The following DLEU7 variants were observed in gnomAD, a reference collection of about 807,000 sequenced individuals.
DLEU7 encodes the protein deleted in lymphocytic leukemia 7.
DLEU7 carries 17 observed loss-of-function variants against 16.0 expected under a neutral mutation model. The observed-to-expected ratio is 1.06, with a 90% CI of 0.73 to 1.59. The LOEUF is 1.59. DLEU7 is among the 40% of genes most tolerant of loss of function. DLEU7 has a pLI of 0.00. For missense variants in DLEU7, 308 were observed against 314.9 expected, an observed-to-expected ratio of 0.98 and a Z score of 0.17; for synonymous variants, 113 against 139.8, an observed-to-expected ratio of 0.81 and a Z score of 1.35.
chr13:50,808,447 A>C (rs563418898), intron 1 of DLEU7: 50 of 152,298 alleles, frequency 3.3e-4, no homozygotes, highest in African/African-American at 1.1e-3. Context: ...AGAAGTACCA[A>C]GTGTTTCTAG....
exon 2 of DLEU7, chr13:50,711,942 G>A (rs1873306868): frequency 6.7e-6 from 1 of 150,334 alleles, no homozygotes; most frequent in Non-Finnish European, 1.5e-5. Flanking sequence ...GAAATCCATT[G>A]TAAACTTAGG....
intron 1 of DLEU7, among the ~76,000 whole-genome samples, chr13:50,776,230 C>T (rs1875490562): frequency 6.6e-6 from 1 of 152,132 alleles, no homozygotes; most frequent in African/African-American, 2.4e-5. Flanking sequence ...GTTTTTGACT[C>T]AGTTTTGGAT....
chr13:50,724,701 C>T (rs546806721), intron 1 of DLEU7, among the ~76,000 whole-genome samples: 2 of 152,226 alleles, frequency 1.3e-5, no homozygotes, highest in African/African-American at 4.8e-5. Flanking sequence ...AAATGCCCTC[C>T]AAATCCTATA....
chr13:50,783,359 C>T (rs1875707166), intron 1 of DLEU7, among the ~76,000 whole-genome samples: 1 of 152,186 alleles, frequency 6.6e-6, no homozygotes, highest in Non-Finnish European at 1.5e-5. Context: ...ATTCAAAGTA[C>T]CCCAATAGCT....
intron 1 of DLEU7, among the ~76,000 whole-genome samples, chr13:50,795,652 ATATG>A (rs2137777333): frequency 6.6e-6 from 1 of 152,326 alleles, no homozygotes; most frequent in East Asian, 1.9e-4. Context: ...ATTCAATAAT[ATATG>A]TATGTTACAC....
intron 1 of DLEU7, among the ~76,000 whole-genome samples, chr13:50,794,364 A>G (rs565155603): frequency 6.6e-6 from 1 of 151,878 alleles, no homozygotes; most frequent in Non-Finnish European, 1.5e-5. Flanking sequence ...TCATTGTGAC[A>G]TTCAAGTCCA....
intron 1 of DLEU7, among the ~76,000 whole-genome samples, chr13:50,825,174 T>G (rs1158332535): frequency 6.6e-6 from 1 of 152,178 alleles, no homozygotes; most frequent in Non-Finnish European, 1.5e-5. Context: ...TCTGCATGCT[T>G]TATCAAATAA....
At chr13:50,728,183 T>C (rs1363190683) in intron 1 of DLEU7, among the ~76,000 whole-genome samples, 1 of 152,172 alleles carries the variant, frequency 6.6e-6, no homozygotes, top group Non-Finnish European at 1.5e-5. Flanking sequence ...GGTTGTAAAG[T>C]AATCACATGA....
chr13:50,720,650 A>G (rs1048172507), intron 1 of DLEU7, among the ~76,000 whole-genome samples: 35 of 152,226 alleles, frequency 2.3e-4, no homozygotes, highest in African/African-American at 8.4e-4. Context: ...CTTATCCTGT[A>G]GACATGTGGG....
intron 1 of DLEU7, among the ~76,000 whole-genome samples, chr13:50,742,233 GAAA>G (rs1009082913): frequency 6.6e-6 from 1 of 151,758 alleles, no homozygotes; most frequent in African/African-American, 2.4e-5. Context: ...CCAATTTTCT[GAAA>G]AAAAGGAATG....
intron 1 of DLEU7, among the ~76,000 whole-genome samples, chr13:50,758,246 T>G: frequency 6.6e-6 from 1 of 152,156 alleles, no homozygotes; most frequent in East Asian, 1.9e-4. Context: ...TTTTGTGATT[T>G]GGAAGCTTAT....
intron 1 of DLEU7, among the ~76,000 whole-genome samples, chr13:50,755,471 T>A: frequency 6.6e-6 from 1 of 152,200 alleles, no homozygotes; most frequent in East Asian, 1.9e-4. Flanking sequence ...CTTCTACTTG[T>A]TCAATTCTAT....
chr13:50,797,829 C>G (rs1263211459), intron 1 of DLEU7, among the ~76,000 whole-genome samples: 3 of 152,116 alleles, frequency 2.0e-5, no homozygotes, highest in African/African-American at 7.2e-5. Context: ...AGATTCTGTG[C>G]TCCCAAATCT....
At chr13:50,797,223 G>A (rs548157795) in intron 1 of DLEU7, among the ~76,000 whole-genome samples, 8 of 152,198 alleles carry the variant, frequency 5.3e-5, no homozygotes, top group South Asian at 4.2e-4. Flanking sequence ...ATGAAAAAGC[G>A]TGCTGGGATT....
intron 1 of DLEU7, among the ~76,000 whole-genome samples, chr13:50,790,477 G>GA (rs1336820304): frequency 6.7e-5 from 8 of 119,748 alleles, no homozygotes; most frequent in African/African-American, 9.5e-5. Context: ...CGTTTAAGGA[G>GA]ACCCCCGCTG....
At chr13:50,739,969 T>C (rs1459575454) in intron 1 of DLEU7, among the ~76,000 whole-genome samples, 1 of 151,842 alleles carries the variant, frequency 6.6e-6, no homozygotes, top group East Asian at 1.9e-4. Context: ...GTAGGGCATA[T>C]AGAGAGAGAA....
chr13:50,841,997 C>A (rs919257682), intron 1 of DLEU7, among the ~76,000 whole-genome samples: 2 of 151,830 alleles, frequency 1.3e-5, no homozygotes, highest in South Asian at 4.2e-4. Context: ...TATCAACTTG[C>A]GGCGAGGAAT....
intron 1 of DLEU7, among the ~76,000 whole-genome samples, chr13:50,837,165 G>A (rs1877498946): frequency 6.6e-6 from 1 of 152,142 alleles, no homozygotes; most frequent in Non-Finnish European, 1.5e-5. Context: ...GTACCTACTG[G>A]AAATGCGCAC....
chr13:50,811,029 T>C (rs1876547392), intron 1 of DLEU7, among the ~76,000 whole-genome samples: 1 of 152,146 alleles, frequency 6.6e-6, no homozygotes, highest in South Asian at 2.1e-4. Context: ...AGTGTGTATG[T>C]GTGTGCTTGT....
Sources: gnomAD v4.1 joint callset for allele counts (sites outside exome capture counted in the v4.1 genomes callset) on GRCh38, gnomAD v4.1.1 for gene constraint, MANE v1.5 for transcripts, NCBI Gene and HGNC (gene_info 2026-07-23, HGNC 2026-07-21) for gene names.